Variants in SLCO3A1 observed in about 807,000 individuals in gnomAD.
The protein encoded by SLCO3A1 is PGE1 transporter.
In SLCO3A1, 27 loss-of-function variants were observed where a neutral mutation model predicts 63.1. The ratio of observed to expected loss-of-function variants is 0.43; its 90% CI spans 0.32 to 0.59. The LOEUF (loss-of-function observed/expected upper bound fraction) is 0.59, where lower values mean the gene tolerates loss of function less well. Among genes scored for constraint, SLCO3A1 ranks in the 20% least tolerant of loss-of-function variants. The pLI is 0.09. For missense variants in SLCO3A1, 773 were observed against 945.8 expected (o/e 0.82, Z 2.40); for synonymous variants, 473 against 409.9 (o/e 1.15, Z -1.86).
chr15:91,979,104 C>A (rs1040917440), intron 2 of SLCO3A1, among the ~76,000 whole-genome samples: 3 of 152,190 alleles, frequency 2.0e-5, no homozygotes, highest in Non-Finnish European at 2.9e-5. Flanking sequence ...GGACATAATG[C>A]AGTTTTCATC....
Position 92,106,432 on chromosome 15 carries a change from C to A in SLCO3A1, c.1009+1890C>A, listed in dbSNP as rs543903563. Among the ~76,000 whole-genome samples, 8 of 152,232 alleles carry A rather than the reference C, an allele frequency of 5.3e-5. No homozygotes were observed. The South Asian group carries it at 1.7e-3, about 32-fold the overall frequency. On this transcript the variant is annotated intron_variant, in intron 4 of 9. Transcript: ENST00000318445. ...TCCCCTAGTAGCAGGAGAGTGATGC[C>A]TGAGACTCCCCTAATAGCCATCCAT...
At chr15:91,905,989 G>A (rs1314635680) in intron 1 of SLCO3A1, among the ~76,000 whole-genome samples, 1 of 152,164 alleles carries the variant, frequency 6.6e-6, no homozygotes, top group African/African-American at 2.4e-5. Flanking sequence ...GGGTGCTATG[G>A]GACCAGTGGG....
At position 91,889,044 on chromosome 15, in the gene SLCO3A1, A is replaced by C. The variant is rs540709063; in HGVS notation, c.181-26949A>C. On this transcript the variant is annotated intron_variant, in intron 1 of 9. Coordinates refer to ENST00000318445, the MANE Select transcript of SLCO3A1 (RefSeq NM_013272.4). The stretch of plus-strand genomic sequence containing the variant: ...AAGAAAAGAAAAACCAAAAAAAAAA[A>C]ACCTACAATTATTACTAGCTAACAT... The C allele has an allele frequency of 4.7e-5, 35 of 748,688 alleles. No individual in the cohort carries two copies. The South Asian group carries it at 6.0e-4, about 13-fold the overall frequency. The allele number at this position is 748,688 out of a possible 1,614,324, so 46.4% of individuals were successfully genotyped here. A position where few individuals can be genotyped will look rare whatever the true frequency, so the allele number is the denominator to read the frequency against.
In SLCO3A1 at chr15:92,164,562, G is replaced by A; in HGVS notation, c.*1427G>A. The A allele has an allele frequency of 1.0e-6, 1 of 985,082 alleles. No homozygotes were observed. Among genetic ancestry groups the A allele is most frequent in the Non-Finnish European group, 1.2e-6 (1 of 829,902 alleles). The allele number at this position is 985,082 out of a possible 1,614,324, so 61.0% of individuals were successfully genotyped here. The stretch of plus-strand genomic sequence containing the variant: ...TGTGTATGGGTGCAACACTTCCGGG[G>A]ATAGGAAAGAAGAACAGTTCCCTAA... On this transcript the variant is annotated 3_prime_UTR_variant, in exon 10 of 10. Transcript: ENST00000318445.
At chr15:92,151,799 G>A (rs2048309479) in intron 9 of SLCO3A1, among the ~76,000 whole-genome samples, 1 of 152,204 alleles carries the variant, frequency 6.6e-6, no homozygotes, top group Admixed American at 6.5e-5. Flanking sequence ...AATGTAGAAA[G>A]GAAAACAACC....
At chr15:92,145,023 C>T (rs1213039638) in intron 7 of SLCO3A1, among the ~76,000 whole-genome samples, 2 of 152,038 alleles carry the variant, frequency 1.3e-5, no homozygotes, top group Admixed American at 6.5e-5. Flanking sequence ...AGCGAGTGAC[C>T]AGAGGAGGAC....
chr15:91,882,506 A>G lies in SLCO3A1; in HGVS notation c.180+28418A>G, dbSNP rs1342307854. ...GGGCCTCCACCCCCACCCCACCCCC[A>G]CTATGTATGACTTCTTTTTTTTCCT... On this transcript the variant is annotated intron_variant, in intron 1 of 9. Coordinates refer to ENST00000318445, the MANE Select transcript of SLCO3A1 (RefSeq NM_013272.4). This position sits in a 1 kb window ranked among gnomAD's most constrained non-coding sequence, Gnocchi z 4.4. Among the ~76,000 whole-genome samples the G allele has an allele frequency of 8.1e-6, 1 of 123,144 alleles. No individual in the cohort carries two copies. The highest frequency in any genetic ancestry group is 8.9e-5 in the Admixed American group (1 of 11,188). The allele number at this position is 123,144 out of a possible 152,430, so 80.8% of individuals were successfully genotyped here. A position where few individuals can be genotyped will look rare whatever the true frequency, so the allele number is the denominator to read the frequency against.
chr15:92,080,938 CTGTGTG>C (rs542459686), intron 2 of SLCO3A1, among the ~76,000 whole-genome samples: 1,880 of 128,944 alleles, frequency 0.015, 17 homozygotes, highest in African/African-American at 0.035. Flanking sequence ...TACATAGTAG[CTGTGTG>C]TGTGTGTGTG....
intron 2 of SLCO3A1, among the ~76,000 whole-genome samples, chr15:91,919,914 A>G (rs922692702): frequency 6.6e-6 from 1 of 152,164 alleles, no homozygotes; most frequent in Non-Finnish European, 1.5e-5. Context: ...GGTGTACACA[A>G]TTCTATTCTC....
At chr15:92,114,547 G>A (rs185554024) in intron 4 of SLCO3A1, among the ~76,000 whole-genome samples, 55 of 152,224 alleles carry the variant, frequency 3.6e-4, no homozygotes, top group African/African-American at 1.1e-3. Flanking sequence ...CCGTGACACC[G>A]TTTCTCCTAG....
At chr15:92,082,239 G>T (rs2047355636) in intron 2 of SLCO3A1, among the ~76,000 whole-genome samples, 1 of 152,188 alleles carries the variant, frequency 6.6e-6, no homozygotes, top group East Asian at 1.9e-4. Flanking sequence ...TTTTATTCAT[G>T]CACATATGAT....
intron 2 of SLCO3A1, among the ~76,000 whole-genome samples, chr15:91,919,409 T>G (rs748730308): frequency 6.6e-6 from 1 of 152,156 alleles, no homozygotes; most frequent in African/African-American, 2.4e-5. Flanking sequence ...ACTGGATGAA[T>G]GGGGACTCGG....
intron 2 of SLCO3A1, among the ~76,000 whole-genome samples, chr15:92,050,302 A>G (rs1168633325): frequency 6.6e-6 from 1 of 152,192 alleles, no homozygotes; most frequent in African/African-American, 2.4e-5. Context: ...CCACAGAGGG[A>G]TGGCTTGTTT....
chr15:92,136,668 T>G lies in SLCO3A1; in HGVS notation c.1512+8179T>G, dbSNP rs888799439. 5.1e-4 allele frequency among the ~76,000 whole-genome samples: 78 copies of G among 152,340 alleles called. 1 individual carries two copies. The Middle Eastern group carries it at 0.01, about 20-fold the overall frequency. On this transcript the variant is annotated intron_variant, in intron 7 of 9. Transcript: ENST00000318445. ...TAACATTTTCCATTTTGAATACATT[T>G]ATATGATTCAAAAGCCAAAAAGTAT...
chr15:92,154,803 G>T (rs1228113376), intron 9 of SLCO3A1, among the ~76,000 whole-genome samples: 6 of 152,132 alleles, frequency 3.9e-5, no homozygotes, highest in Admixed American at 2.0e-4. Context: ...AGCCAAAGAA[G>T]CTGAGGGTGA....
intron 2 of SLCO3A1, among the ~76,000 whole-genome samples, chr15:92,014,011 C>T (rs1057080794): frequency 3.3e-5 from 5 of 152,124 alleles, no homozygotes; most frequent in African/African-American, 9.7e-5. Context: ...TCACTCCCAC[C>T]CCCATCTTTT....
intron 3 of SLCO3A1, among the ~76,000 whole-genome samples, chr15:92,101,879 C>A (rs568779714): frequency 4.6e-5 from 7 of 152,116 alleles, no homozygotes; most frequent in Non-Finnish European, 1.0e-4. Flanking sequence ...AAACTGTGAG[C>A]CAGCGTCAGC....
At chr15:91,977,613 G>T (rs1901168777) in intron 2 of SLCO3A1, among the ~76,000 whole-genome samples, 1 of 152,190 alleles carries the variant, frequency 6.6e-6, no homozygotes. Context: ...GGAGTGTGGG[G>T]ACATTGGGAG....
chr15:92,099,837 G>A (rs2047583180), intron 3 of SLCO3A1, among the ~76,000 whole-genome samples: 1 of 152,086 alleles, frequency 6.6e-6, no homozygotes, highest in African/African-American at 2.4e-5. Flanking sequence ...CGAGGCAGGT[G>A]GATCACCTGA....
Sources: allele counts gnomAD v4.1 joint callset (sites outside exome capture counted in the v4.1 genomes callset), GRCh38; gene constraint gnomAD v4.1.1; non-coding constraint Gnocchi (gnomAD v3.1); transcripts MANE v1.5; gene names NCBI Gene and HGNC (gene_info 2026-07-23, HGNC 2026-07-21).